The following LONP2 variants were observed in gnomAD, a reference collection of about 807,000 sequenced individuals.
LONP2 encodes the protein lon protease homolog 2, peroxisomal.
Under a neutral mutation model 85.6 loss-of-function variants are expected in LONP2, and 60 were observed. The ratio of observed to expected loss-of-function variants is 0.70; its 90% CI spans 0.57 to 0.87. The LOEUF is 0.87. LONP2 is among the 40% of genes least tolerant of loss of function. The pLI, the probability that LONP2 is intolerant of heterozygous loss-of-function variation, is 0.00. For synonymous variants in LONP2, 395 were observed against 389.7 expected (o/e 1.01, Z -0.16); for missense variants, 860 against 1,063.5 (o/e 0.81, Z 2.66).
chr16:48,349,558 G>A (rs535803876), intron 14 of LONP2, among the ~76,000 whole-genome samples: 20 of 152,188 alleles, frequency 1.3e-4, no homozygotes, highest in Non-Finnish European at 2.5e-4. Flanking sequence ...ACAGCGGCCT[G>A]GGGTACACCT....
At chr16:48,312,492 G>A (rs916218281) in intron 11 of LONP2, among the ~76,000 whole-genome samples, 5 of 151,972 alleles carry the variant, frequency 3.3e-5, no homozygotes, top group African/African-American at 1.2e-4. Context: ...TATCTATTAT[G>A]TATGTTGAGT....
intron 11 of LONP2, among the ~76,000 whole-genome samples, chr16:48,314,867 A>G (rs1973109810): frequency 6.6e-6 from 1 of 152,222 alleles, no homozygotes; most frequent in Non-Finnish European, 1.5e-5. Flanking sequence ...AACTTGCCAC[A>G]TTCACTTATT....
At chr16:48,313,212 A>G (rs1482545349) in intron 11 of LONP2, among the ~76,000 whole-genome samples, 2 of 152,240 alleles carry the variant, frequency 1.3e-5, no homozygotes, top group African/African-American at 2.4e-5. Context: ...CATTTTTATT[A>G]TGATTCCGTT....
At chr16:48,321,934 T>A (rs561275728) in intron 11 of LONP2, among the ~76,000 whole-genome samples, 70 of 151,838 alleles carry the variant, frequency 4.6e-4, no homozygotes, top group Non-Finnish European at 8.7e-4. Flanking sequence ...CTGTATTTTT[T>A]AATTTTTTTC....
At chr16:48,272,073 C>T (rs961445993) in intron 7 of LONP2, among the ~76,000 whole-genome samples, 7 of 152,116 alleles carry the variant, frequency 4.6e-5, no homozygotes, top group Non-Finnish European at 1.0e-4. Flanking sequence ...GTAATTTGTT[C>T]TTATTTCTTT....
At chr16:48,314,649 A>C (rs1164779078) in intron 11 of LONP2, among the ~76,000 whole-genome samples, 6 of 152,222 alleles carry the variant, frequency 3.9e-5, no homozygotes, top group Admixed American at 3.9e-4. Flanking sequence ...ATAAGACCAC[A>C]CATCTACAAC....
rs1336529198 is a variant in LONP2 at position 48,353,895 on chromosome 16, T to C, written c.*2093T>C. The C allele has an allele frequency of 6.6e-6, 1 of 152,090 alleles. No homozygotes were observed. Among genetic ancestry groups the C allele is most frequent in the Non-Finnish European group, 1.5e-5 (1 of 68,056 alleles). The allele number at this position is 152,090 out of a possible 1,614,324, so 9.4% of individuals were successfully genotyped here. ...AGCAGGAGGGCACTTGCTTTAAGCATATCTTTCGAAAGGCATCCATTGAGA... is the reference window on the plus strand; with the variant it reads ...AGCAGGAGGGCACTTGCTTTAAGCACATCTTTCGAAAGGCATCCATTGAGA... On this transcript the variant is annotated 3_prime_UTR_variant, in exon 15 of 15. Transcript: ENST00000285737.
intron 12 of LONP2, among the ~76,000 whole-genome samples, chr16:48,340,676 G>A (rs1567350844): frequency 6.6e-6 from 1 of 152,174 alleles, no homozygotes; most frequent in Non-Finnish European, 1.5e-5. Context: ...AGAAATACCT[G>A]AAACCAGGCA....
At chr16:48,328,244 T>C (rs1370090926) in intron 11 of LONP2, among the ~76,000 whole-genome samples, 1 of 152,058 alleles carries the variant, frequency 6.6e-6, no homozygotes, top group Non-Finnish European at 1.5e-5. Context: ...ACCCCGTCTC[T>C]ACTAAAAATA....
intron 12 of LONP2, 72 bp downstream of exon 12, chr16:48,334,430 A>G (rs972062837): frequency 4.7e-5 from 74 of 1,568,964 alleles, no homozygotes; most frequent in Non-Finnish European, 6.5e-5. Flanking sequence ...CCAGGGCCGT[A>G]GGGCCTGGGC....
intron 10 of LONP2, among the ~76,000 whole-genome samples, chr16:48,300,813 A>G (rs1972789029): frequency 6.6e-6 from 1 of 152,224 alleles, no homozygotes; most frequent in African/African-American, 2.4e-5. Context: ...TATTCCAGAT[A>G]ACACCCATGA....
At chr16:48,303,959 G>T (rs1464438717) in intron 11 of LONP2, among the ~76,000 whole-genome samples, 1 of 152,130 alleles carries the variant, frequency 6.6e-6, no homozygotes, top group African/African-American at 2.4e-5. Flanking sequence ...TCAGATTGAG[G>T]GTGGGTCTGC....
chr16:48,298,322 C>G (rs1972718435), intron 9 of LONP2, among the ~76,000 whole-genome samples: 1 of 152,002 alleles, frequency 6.6e-6, no homozygotes, highest in Non-Finnish European at 1.5e-5. Flanking sequence ...GGAATTTTGT[C>G]TTACGGGATT....
chr16:48,261,605 T>C lies in LONP2; in HGVS notation c.887+18T>C, dbSNP rs898778591. The C allele has an allele frequency of 4.0e-6, 6 of 1,518,802 alleles. No individual in the cohort carries two copies. Among genetic ancestry groups the C allele is most frequent in the Non-Finnish European group, 5.3e-6 (6 of 1,128,530 alleles). The allele number at this position is 1,518,802 out of a possible 1,614,324, so 94.1% of individuals were successfully genotyped here. ...ATAAAGAGGTAAATTATAAAAGGCA[T>C]TTGTTCATTATTGTTTTCATTCTTG... On this transcript the variant is annotated intron_variant, in intron 5 of 14. Transcript: ENST00000285737.
chr16:48,353,874 G>C lies in LONP2; in HGVS notation c.*2072G>C, dbSNP rs899917051. ...GGCAGCCTTGCACTTTGTAGCAGCA[G>C]GAGGGCACTTGCTTTAAGCATATCT... On this transcript the variant is annotated 3_prime_UTR_variant, in exon 15 of 15. Transcript: ENST00000285737. The C allele has an allele frequency of 2.0e-5, 3 of 152,154 alleles. No individual in the cohort carries two copies. The highest frequency in any genetic ancestry group is 6.5e-5 in the Admixed American group (1 of 15,272). 9.4% of individuals were successfully genotyped at this position (152,154 alleles called of 1,614,324 possible).
rs1158292655 is a variant in LONP2 at position 48,351,809 on chromosome 16, A to G, written c.*7A>G. 1 of 1,610,616 alleles carries G rather than the reference A, an allele frequency of 6.2e-7. No homozygotes were observed. ...GTTAAATAGCAAACTGTAGGTCCAA[A>G]TCTCAATTTTTTAGAATTTTAAGTT... On this transcript the variant is annotated 3_prime_UTR_variant, in exon 15 of 15. Coordinates refer to ENST00000285737, the MANE Select transcript of LONP2 (RefSeq NM_031490.5).
rs1960242740 is a variant in LONP2 at position 48,354,039 on chromosome 16, A to AAGTCT, written c.*2239_*2243dup. 9.0e-6 allele frequency: 1 copy of AAGTCT among 111,668 alleles called. No individual in the cohort carries two copies. The highest frequency in any genetic ancestry group is 1.3e-4 in the Admixed American group (1 of 7,602). 6.9% of individuals were successfully genotyped at this position (111,668 alleles called of 1,614,324 possible). On this transcript the variant is annotated 3_prime_UTR_variant, in exon 15 of 15. Coordinates refer to ENST00000285737, the MANE Select transcript of LONP2 (RefSeq NM_031490.5). The stretch of plus-strand genomic sequence containing the variant: ...CCAGGGGTGGGAGGTTGGTTGGTTG[A>AAGTCT]AGTCTAAGCTCTTCCTTTTTCACCT...
rs1265660039 is a variant in LONP2 at position 48,338,157 on chromosome 16, C to A, written c.1938+3799C>A. On this transcript the variant is annotated intron_variant, in intron 12 of 14. Transcript: ENST00000285737. Reference sequence around the variant, plus strand: ...CTGTATTCTCCCTTAGGGTAAATTACAGTCTAGGGTCTGTGGTTTCTTCTA... The same window carrying A: ...CTGTATTCTCCCTTAGGGTAAATTAAAGTCTAGGGTCTGTGGTTTCTTCTA... 2.7e-3 allele frequency among the ~76,000 whole-genome samples: 416 copies of A among 152,238 alleles called. 2 individuals carry two copies. The highest frequency in any genetic ancestry group is 9.7e-3 in the African/African-American group (404 of 41,542).
At chr16:48,273,997 G>A (rs1972155311) in intron 7 of LONP2, among the ~76,000 whole-genome samples, 1 of 152,074 alleles carries the variant, frequency 6.6e-6, no homozygotes, top group Non-Finnish European at 1.5e-5. Context: ...TTCATTATTA[G>A]TTTCTACAAG....
Sources: allele counts gnomAD v4.1 joint callset (sites outside exome capture counted in the v4.1 genomes callset), GRCh38; gene constraint gnomAD v4.1.1; transcripts MANE v1.5; gene names NCBI Gene and HGNC (gene_info 2026-07-23, HGNC 2026-07-21).